CPNE8: variants seen among roughly 807,000 people sequenced by gnomAD.
CPNE8 encodes the protein copine-8.
In CPNE8, 45 loss-of-function variants were observed where a neutral mutation model predicts 81.5. The observed-to-expected ratio is 0.55, with a 90% CI of 0.44 to 0.71. The LOEUF (loss-of-function observed/expected upper bound fraction) is 0.71. Ranked by LOEUF, CPNE8 falls within the 30% of genes least tolerant of loss-of-function variation. The pLI, the probability that CPNE8 is intolerant of heterozygous loss-of-function variation, is 0.00. For missense variants in CPNE8, 594 were observed against 672.1 expected (o/e 0.88, Z 1.28); for synonymous variants, 252 against 226.3 (o/e 1.11, Z -1.02).
intron 13 of CPNE8, among the ~76,000 whole-genome samples, chr12:38,711,405 T>C (rs1940253150): frequency 6.6e-6 from 1 of 151,914 alleles, no homozygotes; most frequent in African/African-American, 2.4e-5. Flanking sequence ...CATAACAAAC[T>C]GGCAATGAAA....
chr12:38,692,104 C>A (rs1939689245), intron 15 of CPNE8, among the ~76,000 whole-genome samples: 1 of 151,978 alleles, frequency 6.6e-6, no homozygotes, highest in African/African-American at 2.4e-5. Flanking sequence ...CCAGCCTGGC[C>A]AACACAGTGA....
At chr12:38,879,276 A>C (rs1944114110) in intron 1 of CPNE8, among the ~76,000 whole-genome samples, 1 of 151,606 alleles carries the variant, frequency 6.6e-6, no homozygotes, top group Non-Finnish European at 1.5e-5. Flanking sequence ...GATAGGAAGC[A>C]GCCCAGTAGG....
chr12:38,883,571 A>T (rs1254018993), intron 1 of CPNE8, among the ~76,000 whole-genome samples: 1 of 152,202 alleles, frequency 6.6e-6, no homozygotes, highest in African/African-American at 2.4e-5. Context: ...CCTGGGTATC[A>T]ACTGTTCATC....
chr12:38,871,892 T>G (rs1408840047), intron 3 of CPNE8, among the ~76,000 whole-genome samples: 1 of 152,156 alleles, frequency 6.6e-6, no homozygotes, highest in East Asian at 1.9e-4. Context: ...TCCCAGCACT[T>G]TGGGAGGCCA....
chr12:38,696,377 A>G (rs1164151219), intron 14 of CPNE8, among the ~76,000 whole-genome samples: 1 of 152,106 alleles, frequency 6.6e-6, no homozygotes, highest in Non-Finnish European at 1.5e-5. Flanking sequence ...TATACTAAAA[A>G]AAAAAAAAAA....
At chr12:38,850,092 A>G (rs1240815421) in intron 3 of CPNE8, among the ~76,000 whole-genome samples, 1 of 152,154 alleles carries the variant, frequency 6.6e-6, no homozygotes, top group East Asian at 1.9e-4. Context: ...ATATACCCAA[A>G]TAACCAGGGG....
chr12:38,905,587 G>C lies in CPNE8; in HGVS notation c.-53C>G. 6.5e-7 allele frequency: 1 copy of C among 1,539,264 alleles called. No individual in the cohort carries two copies. The highest frequency in any genetic ancestry group is 8.7e-7 in the Non-Finnish European group (1 of 1,144,258). On this transcript the variant is annotated 5_prime_UTR_variant, in exon 1 of 20. Transcript: ENST00000331366. ...CGGCGCCCACAACCACAGCTCGGGC[G>C]GACTGAGGGCTAGCTCCCGTCAGGC...
At chr12:38,906,555 C>T (rs959035275), upstream of CPNE8, 24 of 985,592 alleles carry the variant, frequency 2.4e-5, no homozygotes, top group Non-Finnish European at 2.9e-5. Context: ...GCAGCTCCTT[C>T]AGCCGACTCC....
intron 1 of CPNE8, among the ~76,000 whole-genome samples, chr12:38,902,675 G>A (rs1419776399): frequency 2.6e-5 from 4 of 152,154 alleles, no homozygotes; most frequent in South Asian, 2.1e-4. Context: ...TAGAGAAAGC[G>A]GGAACAGGTA....
intron 7 of CPNE8, among the ~76,000 whole-genome samples, chr12:38,770,728 C>T (rs191327584): frequency 2.0e-5 from 3 of 152,142 alleles, no homozygotes; most frequent in Non-Finnish European, 4.4e-5. Context: ...CCCACACATG[C>T]CTTTCCCACC....
chr12:38,811,109 A>G (rs1942926367), intron 6 of CPNE8, among the ~76,000 whole-genome samples: 1 of 152,172 alleles, frequency 6.6e-6, no homozygotes, highest in South Asian at 2.1e-4. Context: ...CCACATAGCT[A>G]AGATCATGAG....
At chr12:38,701,575 C>T (rs1939948439) in intron 14 of CPNE8, among the ~76,000 whole-genome samples, 1 of 152,082 alleles carries the variant, frequency 6.6e-6, no homozygotes, top group Non-Finnish European at 1.5e-5. Context: ...CTCACTGTAA[C>T]CTCTACCTCT....
intron 3 of CPNE8, among the ~76,000 whole-genome samples, chr12:38,869,865 T>TA (rs757143287): frequency 6.6e-4 from 100 of 152,294 alleles, no homozygotes; most frequent in Non-Finnish European, 1.2e-3. Context: ...CCTTCAAAAA[T>TA]AAAAAATAAG....
chr12:38,825,606 G>T (rs1943175706), intron 6 of CPNE8, among the ~76,000 whole-genome samples: 1 of 152,212 alleles, frequency 6.6e-6, no homozygotes, highest in Non-Finnish European at 1.5e-5. Context: ...GGAGTAAAAT[G>T]CTATTTGCAT....
chr12:38,730,496 TA>T (rs1319112153), intron 10 of CPNE8, 138 bp from the exon 11 acceptor site: 2 of 474,732 alleles, frequency 4.2e-6, no homozygotes, highest in South Asian at 3.8e-5. Context: ...ATTTACAAAA[TA>T]TTTAAAAGGA....
At chr12:38,773,547 A>ATAT (rs1941855385) in intron 7 of CPNE8, among the ~76,000 whole-genome samples, 1 of 152,020 alleles carries the variant, frequency 6.6e-6, no homozygotes, top group South Asian at 2.1e-4. Context: ...CAACAATATA[A>ATAT]CCTCACTCGG....
chr12:38,725,619 G>A (rs942007491), intron 11 of CPNE8, among the ~76,000 whole-genome samples: 17 of 152,214 alleles, frequency 1.1e-4, no homozygotes, highest in Admixed American at 3.9e-4. Context: ...AGATGAAATC[G>A]TTTATGAATA....
chr12:38,762,136 G>A lies in CPNE8; in HGVS notation c.656C>T (p.Ala219Val). 2 of 1,589,696 alleles carry A rather than the reference G, an allele frequency of 1.3e-6. No homozygotes were observed. The highest frequency in any genetic ancestry group is 8.6e-7 in the Non-Finnish European group (1 of 1,164,502). ...VWQAFKISVR[A>V]LCNGDYDRTI... ...CCTGTCATAGTCTCCATTACATAAT[G>A]CTCTGACTGAGATCTTGAATGCTTG... Residue 219 changes from alanine (A) to valine (V), a missense_variant, in exon 9 of 20, where the codon GCA becomes GTA. Ala to Val is a moderately conservative substitution (Grantham distance 64). Transcript: ENST00000331366.
intron 4 of CPNE8, among the ~76,000 whole-genome samples, chr12:38,846,777 G>A (rs777024289): frequency 6.6e-6 from 1 of 151,928 alleles, no homozygotes; most frequent in Non-Finnish European, 1.5e-5. Context: ...CTCTGAAAAC[G>A]TAAAGTATAC....
Sources: allele counts gnomAD v4.1 joint callset (sites outside exome capture counted in the v4.1 genomes callset), GRCh38; gene constraint gnomAD v4.1.1; transcripts MANE v1.5; gene names NCBI Gene and HGNC (gene_info 2026-07-23, HGNC 2026-07-21).